Variants in ESRRG observed in about 807,000 individuals in gnomAD.
ESRRG encodes the protein estrogen related receptor gamma.
A neutral mutation model predicts 44.0 loss-of-function variants in ESRRG; 13 were observed. That is an observed-to-expected ratio of 0.30 (90% CI 0.19 to 0.47). ESRRG has a LOEUF of 0.47. Ranked by LOEUF, ESRRG falls within the 20% of genes least tolerant of loss-of-function variation. The pLI is 1.00. For synonymous variants in ESRRG, 215 were observed against 214.6 expected (o/e 1.00, Z -0.02); for missense variants, 395 against 580.6 (o/e 0.68, Z 3.29).
chr1:216,559,444 T>C (rs921890637), intron 5 of ESRRG, among the ~76,000 whole-genome samples: 1 of 152,236 alleles, frequency 6.6e-6, no homozygotes, highest in Non-Finnish European at 1.5e-5. Context: ...AGTTTTGTGC[T>C]ATGCACATTT....
intron 1 of ESRRG, among the ~76,000 whole-genome samples, chr1:216,687,515 C>A (rs762589493): frequency 3.3e-5 from 5 of 152,064 alleles, no homozygotes; most frequent in Non-Finnish European, 7.4e-5. Context: ...CTTGATATGT[C>A]GGAAGCCCAA....
intron 3 of ESRRG, among the ~76,000 whole-genome samples, chr1:216,645,859 C>G (rs1035931558): frequency 8.1e-6 from 1 of 123,544 alleles, no homozygotes; most frequent in Non-Finnish European, 1.6e-5. Flanking sequence ...GGGACAGAGC[C>G]AGACCCCTTC....
intron 1 of ESRRG, among the ~76,000 whole-genome samples, chr1:216,996,759 A>T (rs563401473): frequency 6.6e-6 from 1 of 152,282 alleles, no homozygotes; most frequent in African/African-American, 2.4e-5. Flanking sequence ...AATATCATTC[A>T]TTCATTCATT....
chr1:216,652,457 T>C (rs550314510), intron 2 of ESRRG, among the ~76,000 whole-genome samples: 1 of 152,270 alleles, frequency 6.6e-6, no homozygotes, highest in East Asian at 1.9e-4. Flanking sequence ...TAACCACTTC[T>C]AACTACTGAA....
At chr1:216,580,308 T>G (rs2149798978) in intron 3 of ESRRG, among the ~76,000 whole-genome samples, 1 of 152,290 alleles carries the variant, frequency 6.6e-6, no homozygotes, top group South Asian at 2.1e-4. Context: ...GTAATTCTTG[T>G]TTGGCGTGTT....
intron 1 of ESRRG, among the ~76,000 whole-genome samples, chr1:217,109,224 A>G (rs1346762238): frequency 6.6e-6 from 1 of 152,186 alleles, no homozygotes; most frequent in African/African-American, 2.4e-5. Flanking sequence ...AAACCAGTGA[A>G]GAGAATATTC....
At chr1:216,519,671 G>A (rs535052325) in intron 5 of ESRRG, among the ~76,000 whole-genome samples, 5 of 152,004 alleles carry the variant, frequency 3.3e-5, no homozygotes, top group East Asian at 1.9e-4. Flanking sequence ...TAGAGATGTC[G>A]CTTTCTTTCA....
intron 2 of ESRRG, among the ~76,000 whole-genome samples, chr1:216,821,134 G>C (rs576233997): frequency 3.4e-4 from 52 of 152,262 alleles, no homozygotes; most frequent in African/African-American, 1.3e-3. Flanking sequence ...GACATAAACA[G>C]TTGGAAAGAG....
At chr1:216,901,228 G>A (rs1275900525) in intron 2 of ESRRG, among the ~76,000 whole-genome samples, 1 of 151,948 alleles carries the variant, frequency 6.6e-6, no homozygotes, top group African/African-American at 2.4e-5. Context: ...AAACTCCTTG[G>A]GAATTTATGT....
intron 2 of ESRRG, among the ~76,000 whole-genome samples, chr1:216,902,805 A>G (rs903209134): frequency 6.6e-6 from 1 of 152,196 alleles, no homozygotes; most frequent in Non-Finnish European, 1.5e-5. Context: ...ATGCTGATCT[A>G]CTACATGACC....
intron 2 of ESRRG, among the ~76,000 whole-genome samples, chr1:216,761,038 C>A (rs1363118607): frequency 6.6e-6 from 1 of 151,942 alleles, no homozygotes; most frequent in African/African-American, 2.4e-5. Flanking sequence ...CACTGTTGCC[C>A]CTTCCAAAGT....
At chr1:216,863,705 C>T (rs927029498) in intron 2 of ESRRG, 1 of 152,044 alleles carries the variant, frequency 6.6e-6, no homozygotes, top group African/African-American at 2.4e-5. Flanking sequence ...GAGTCATGGG[C>T]TTTGTTCTTT....
intron 2 of ESRRG, among the ~76,000 whole-genome samples, chr1:216,803,924 T>TCA (rs2094703143): frequency 6.6e-6 from 1 of 152,062 alleles, no homozygotes; most frequent in African/African-American, 2.4e-5. Flanking sequence ...CAAAGCCTAC[T>TCA]CACATTAAAC....
chr1:216,915,922 A>G (rs1458412747), intron 2 of ESRRG, among the ~76,000 whole-genome samples: 2 of 152,110 alleles, frequency 1.3e-5, no homozygotes, highest in Non-Finnish European at 2.9e-5. Context: ...TTCACATCCA[A>G]ACTCTAGGAG....
At chr1:216,627,818 A>AT (rs34725285) in intron 3 of ESRRG, among the ~76,000 whole-genome samples, 17 of 151,314 alleles carry the variant, frequency 1.1e-4, no homozygotes, top group South Asian at 4.2e-4. Context: ...TAAGAAGTTT[A>AT]TTTTTTTTTT....
At chr1:217,050,976 C>T (rs1030228764) in intron 1 of ESRRG, among the ~76,000 whole-genome samples, 1 of 152,104 alleles carries the variant, frequency 6.6e-6, no homozygotes, top group Non-Finnish European at 1.5e-5. Context: ...GGGAAGGACT[C>T]AGTGAACAGA....
chr1:217,107,069 G>A (rs550496784), intron 1 of ESRRG, among the ~76,000 whole-genome samples: 1 of 152,178 alleles, frequency 6.6e-6, no homozygotes, highest in East Asian at 1.9e-4. Flanking sequence ...TTCAAGCCCA[G>A]CAGAGATATT....
chr1:216,930,316 T>C (rs6682369), intron 2 of ESRRG, among the ~76,000 whole-genome samples: 54,971 of 151,984 alleles, frequency 0.36, 10,842 homozygotes, highest in Middle Eastern at 0.5. Context: ...TCTATTTAAC[T>C]TCAACTTTGC....
chr1:216,851,967 C>G (rs1050274474), intron 2 of ESRRG, among the ~76,000 whole-genome samples: 1 of 151,598 alleles, frequency 6.6e-6, no homozygotes, highest in Non-Finnish European at 1.5e-5. Context: ...GAAGAGAATT[C>G]AAAACTTTGA....
Sources: allele counts gnomAD v4.1 joint callset (sites outside exome capture counted in the v4.1 genomes callset), GRCh38; gene constraint gnomAD v4.1.1; transcripts MANE v1.5; gene names NCBI Gene and HGNC (gene_info 2026-07-23, HGNC 2026-07-21).